The following GRM7 variants were observed in gnomAD, a reference collection of about 807,000 sequenced individuals.
GRM7 encodes the protein metabotropic glutamate receptor 7.
A neutral mutation model predicts 84.5 loss-of-function variants in GRM7; 35 were observed. That is an observed-to-expected ratio of 0.41 (90% CI 0.32 to 0.55). GRM7 has a LOEUF of 0.55. GRM7 is among the 20% of genes least tolerant of loss of function. GRM7 has a pLI of 0.19. For missense variants in GRM7, 1,003 were observed against 1,194.6 expected (o/e 0.84, Z 2.36); for synonymous variants, 487 against 455.1 (o/e 1.07, Z -0.89).
chr3:7,633,409 G>C (rs748085642), intron 8 of GRM7, among the ~76,000 whole-genome samples: 5 of 152,110 alleles, frequency 3.3e-5, no homozygotes, highest in Non-Finnish European at 7.4e-5. Context: ...TTGAAATGAG[G>C]AACTTTTTTT....
At chr3:7,176,142 C>A (rs937142040) in intron 2 of GRM7, among the ~76,000 whole-genome samples, 1 of 147,742 alleles carries the variant, frequency 6.8e-6, no homozygotes, top group African/African-American at 2.5e-5. Context: ...ATGTTCATGC[C>A]TATAAGGCAG....
intron 2 of GRM7, among the ~76,000 whole-genome samples, chr3:7,197,028 G>C (rs1206495058): frequency 1.3e-5 from 2 of 152,118 alleles, no homozygotes; most frequent in Non-Finnish European, 2.9e-5. Flanking sequence ...AATTAAAGGA[G>C]GTCTTAGAGC....
intron 1 of GRM7, among the ~76,000 whole-genome samples, chr3:7,114,473 A>G (rs1354112683): frequency 6.6e-6 from 1 of 152,224 alleles, no homozygotes; most frequent in African/African-American, 2.4e-5. Flanking sequence ...GTTCTAAAAC[A>G]ACAGAATACA....
intron 9 of GRM7, 88 bp downstream of exon 9, chr3:7,680,383 A>G: frequency 2.2e-6 from 3 of 1,376,386 alleles, no homozygotes; most frequent in Admixed American, 1.8e-5. Flanking sequence ...CTGGAGAAAT[A>G]CTGTGATCGT....
chr3:7,271,562 TAA>T (rs71063298), intron 2 of GRM7, among the ~76,000 whole-genome samples: 1,775 of 88,812 alleles, frequency 0.02, 8 homozygotes, highest in African/African-American at 0.027. Context: ...CCGCCTCAAA[TAA>T]AAAAAAAAAA....
At position 7,446,450 on chromosome 3, in the gene GRM7, G is replaced by GTTTTTTTGTTTTTGTTTTTTTT. The variant is rs1697511349; in HGVS notation, c.1175-6150_1175-6149insGTTTTTGTTTTTTTTTTTTTTT. Reference sequence around the variant, plus strand: ...TTTTGTTGTTGTTGTTTTTGGTCTTGTTTTTTTTTTTTTGTTTTTTTTTTT... The same window carrying GTTTTTTTGTTTTTGTTTTTTTT: ...TTTTGTTGTTGTTGTTTTTGGTCTTGTTTTTTTGTTTTTGTTTTTTTTTTTTTTTTTTTTTGTTTTTTTTTTT... On this transcript the variant is annotated intron_variant, in intron 5 of 9. Transcript: ENST00000357716. Among the ~76,000 whole-genome samples the GTTTTTTTGTTTTTGTTTTTTTT allele has an allele frequency of 4.6e-5, 5 of 108,032 alleles. 1 individual carries two copies. Among genetic ancestry groups the GTTTTTTTGTTTTTGTTTTTTTT allele is most frequent in the Non-Finnish European group, 8.4e-5 (4 of 47,534 alleles). The allele number at this position is 108,032 out of a possible 152,430, so 70.9% of individuals were successfully genotyped here.
At chr3:7,213,708 G>A (rs1696507405) in intron 2 of GRM7, among the ~76,000 whole-genome samples, 1 of 152,144 alleles carries the variant, frequency 6.6e-6, no homozygotes, top group South Asian at 2.1e-4. Flanking sequence ...TCTGGGTTGG[G>A]TTCATCTCCA....
intron 7 of GRM7, among the ~76,000 whole-genome samples, chr3:7,473,398 C>T (rs1164451445): frequency 6.6e-6 from 1 of 151,680 alleles, no homozygotes; most frequent in African/African-American, 2.4e-5. Flanking sequence ...ATCCTTTGAG[C>T]CCAGGAGTTC....
At chr3:7,022,198 G>C (rs1352114177) in intron 1 of GRM7, among the ~76,000 whole-genome samples, 1 of 151,760 alleles carries the variant, frequency 6.6e-6, no homozygotes, top group African/African-American at 2.4e-5. Flanking sequence ...ATGGTGGTGC[G>C]CATGTGTAGT....
At chr3:7,164,099 C>T (rs745729201) in intron 2 of GRM7, among the ~76,000 whole-genome samples, 15 of 152,188 alleles carry the variant, frequency 9.9e-5, no homozygotes, top group Non-Finnish European at 1.8e-4. Context: ...TGGCTCACAC[C>T]TGTAATCCCA....
At chr3:7,063,356 C>G (rs1378275063) in intron 1 of GRM7, among the ~76,000 whole-genome samples, 9 of 151,662 alleles carry the variant, frequency 5.9e-5, no homozygotes, top group Admixed American at 5.9e-4. Context: ...CTGCTGTTCC[C>G]TGATGGTGAC....
chr3:7,075,295 G>A (rs1165656897), intron 1 of GRM7, among the ~76,000 whole-genome samples: 1 of 152,268 alleles, frequency 6.6e-6, no homozygotes, highest in East Asian at 1.9e-4. Flanking sequence ...CAAATGGGAA[G>A]CAGCATCAGC....
intron 6 of GRM7, among the ~76,000 whole-genome samples, chr3:7,458,949 C>T (rs1483304803): frequency 1.3e-5 from 2 of 152,078 alleles, no homozygotes; most frequent in Admixed American, 6.6e-5. Flanking sequence ...CTTATATGCT[C>T]GCAAGACTTG....
intron 6 of GRM7, among the ~76,000 whole-genome samples, chr3:7,458,639 G>T (rs1446321464): frequency 6.6e-6 from 1 of 152,168 alleles, no homozygotes; most frequent in Non-Finnish European, 1.5e-5. Context: ...AACTAAGATT[G>T]CAAGAAGGGA....
chr3:7,256,845 G>C (rs529965620), intron 2 of GRM7, among the ~76,000 whole-genome samples: 14 of 152,324 alleles, frequency 9.2e-5, no homozygotes, highest in African/African-American at 3.1e-4. Context: ...TTTTCCAATA[G>C]AGACTGTTAA....
chr3:7,217,620 A>C (rs1475124134), intron 2 of GRM7, among the ~76,000 whole-genome samples: 1 of 151,474 alleles, frequency 6.6e-6, no homozygotes, highest in Non-Finnish European at 1.5e-5. Flanking sequence ...TGCTAATTGC[A>C]AAAGTAGTAA....
chr3:7,677,279 A>AC (rs1559481647), intron 8 of GRM7, among the ~76,000 whole-genome samples: 7 of 150,142 alleles, frequency 4.7e-5, no homozygotes, highest in African/African-American at 1.7e-4. Flanking sequence ...AAAAAAAAAA[A>AC]AAAAAAAAAA....
intron 2 of GRM7, among the ~76,000 whole-genome samples, chr3:7,269,833 CT>C (rs1175380196): frequency 6.6e-6 from 1 of 152,164 alleles, no homozygotes. Flanking sequence ...ACTCTGAGGG[CT>C]TCTGCAGCTC....
intron 1 of GRM7, among the ~76,000 whole-genome samples, chr3:6,897,467 C>G (rs1232766288): frequency 6.6e-6 from 1 of 152,196 alleles, no homozygotes; most frequent in Non-Finnish European, 1.5e-5. Flanking sequence ...AGACCTGACT[C>G]TTAAACTCCA....
Sources: allele counts gnomAD v4.1 joint callset (sites outside exome capture counted in the v4.1 genomes callset), GRCh38; gene constraint gnomAD v4.1.1; transcripts MANE v1.5; gene names NCBI Gene and HGNC (gene_info 2026-07-23, HGNC 2026-07-21).